Variants in FCHO2 observed in about 807,000 individuals in gnomAD.
The protein encoded by FCHO2 is F-BAR domain only protein 2.
FCHO2 carries 43 observed loss-of-function variants against 114.1 expected under a neutral mutation model. The ratio of observed to expected loss-of-function variants is 0.38; its 90% CI spans 0.30 to 0.49. The LOEUF is 0.49. Among genes scored for constraint, FCHO2 ranks in the 20% least tolerant of loss-of-function variants. The pLI, the probability that FCHO2 is intolerant of heterozygous loss-of-function variation, is 0.97. For missense variants in FCHO2, 807 were observed against 950.4 expected, an observed-to-expected ratio of 0.85 and a Z score of 1.98; for synonymous variants, 293 against 315.2, an observed-to-expected ratio of 0.93 and a Z score of 0.75.
At position 73,087,562 on chromosome 5, in the gene FCHO2, G is replaced by A. The variant is rs1561501420; in HGVS notation, c.2246-27G>A. On this transcript the variant is annotated intron_variant, in intron 24 of 25. Transcript: ENST00000430046. ...TTGTTTGAAATGTATTTTACCCTGT[G>A]TAAGTGCTTTATTCTTTTCTTTGTA... 8 of 1,610,288 alleles carry A rather than the reference G, an allele frequency of 5.0e-6. No homozygotes were observed. The South Asian group carries it at 8.8e-5, about 18-fold the overall frequency.
At chr5:72,963,168 TATATC>T (rs1751969530) in intron 1 of FCHO2, among the ~76,000 whole-genome samples, 1 of 152,160 alleles carries the variant, frequency 6.6e-6, no homozygotes, top group Non-Finnish European at 1.5e-5. Flanking sequence ...TTATGGAAGA[TATATC>T]AAGCACGTTT....
intron 6 of FCHO2, among the ~76,000 whole-genome samples, chr5:73,008,537 A>T (rs1331696351): frequency 6.6e-6 from 1 of 152,174 alleles, no homozygotes; most frequent in East Asian, 1.9e-4. Flanking sequence ...TCAATGTTCA[A>T]TTTTGAACAT....
intron 22 of FCHO2, among the ~76,000 whole-genome samples, chr5:73,081,265 G>A (rs980305718): frequency 3.3e-4 from 50 of 152,196 alleles, no homozygotes; most frequent in Admixed American, 1.3e-4. Context: ...CATTGGACAA[G>A]GAGCTTAAGA....
intron 6 of FCHO2, among the ~76,000 whole-genome samples, chr5:73,011,334 A>G (rs996628961): frequency 6.6e-6 from 1 of 152,218 alleles, no homozygotes; most frequent in African/African-American, 2.4e-5. Flanking sequence ...TTAGAAACTT[A>G]AAAAAATTTT....
rs141433806 is a variant in FCHO2, at chr5:73,028,469, C to T, written c.797-6188C>T. ...TAGTAGCTCCAAACTGTAAACAACC[C>T]AAATGTCCATTAACAGATGAACGGA... is the stretch of plus-strand genomic sequence containing the variant. On this transcript the variant is annotated intron_variant, in intron 8 of 25. Transcript: ENST00000430046. Among the ~76,000 whole-genome samples the T allele has an allele frequency of 2.6e-5, 4 of 152,052 alleles. No homozygotes were observed. The East Asian group carries it at 5.8e-4, about 22-fold the overall frequency.
chr5:73,085,891 G>C (rs1335020732), intron 24 of FCHO2, among the ~76,000 whole-genome samples: 1 of 152,000 alleles, frequency 6.6e-6, no homozygotes, highest in Non-Finnish European at 1.5e-5. Context: ...TTGGGAGGCT[G>C]AGGCGGGTGG....
chr5:73,010,549 A>G (rs957891771), intron 6 of FCHO2, among the ~76,000 whole-genome samples: 8 of 152,134 alleles, frequency 5.3e-5, no homozygotes, highest in Admixed American at 1.3e-4. Context: ...AAATGTCGTT[A>G]GGCAATTTTG....
At chr5:73,005,196 C>T (rs1580086654) in intron 5 of FCHO2, among the ~76,000 whole-genome samples, 1 of 152,254 alleles carries the variant, frequency 6.6e-6, no homozygotes, top group African/African-American at 2.4e-5. Flanking sequence ...GGGAGTAGGA[C>T]TATATGTACC....
intron 3 of FCHO2, among the ~76,000 whole-genome samples, 158 bp downstream of exon 3, chr5:72,989,659 T>C (rs1753720094): frequency 6.6e-6 from 1 of 152,186 alleles, no homozygotes; most frequent in East Asian, 1.9e-4. Context: ...TGATAGAAAA[T>C]ATAATTGAAC....
chr5:73,079,324 T>C (rs1743019197), intron 22 of FCHO2, among the ~76,000 whole-genome samples: 1 of 152,166 alleles, frequency 6.6e-6, no homozygotes, highest in Non-Finnish European at 1.5e-5. Context: ...AAGCTTAGTA[T>C]AGACAGTATT....
chr5:73,027,924 A>G (rs1229794383), intron 8 of FCHO2, among the ~76,000 whole-genome samples: 1 of 152,198 alleles, frequency 6.6e-6, no homozygotes, highest in Non-Finnish European at 1.5e-5. Flanking sequence ...CCAGCCAGGC[A>G]TGCTGGCTCA....
At chr5:73,040,781 A>G (rs1302572169) in intron 10 of FCHO2, among the ~76,000 whole-genome samples, 1 of 152,182 alleles carries the variant, frequency 6.6e-6, no homozygotes, top group African/African-American at 2.4e-5. Context: ...AGTACTTCAG[A>G]TGAAACTGAA....
intron 18 of FCHO2, among the ~76,000 whole-genome samples, chr5:73,067,276 G>C (rs554528857): frequency 2.6e-4 from 40 of 152,146 alleles, no homozygotes; most frequent in Middle Eastern, 6.8e-3. Context: ...GTTGCCATAG[G>C]AGAAATGTCC....
chr5:73,032,118 T>C lies in FCHO2; in HGVS notation c.797-2539T>C, dbSNP rs1027026259. ...GGGGGGGTCAGAATGTGCATTGATA[T>C]CCAGCTGAGTTGTCAACTGGCACTG... is the stretch of plus-strand genomic sequence containing the variant. On this transcript the variant is annotated intron_variant, in intron 8 of 25. Transcript: ENST00000430046. Among the ~76,000 whole-genome samples, 3 of 152,232 alleles carry C rather than the reference T, an allele frequency of 2.0e-5. 1 individual carries two copies. Among genetic ancestry groups the C allele is most frequent in the South Asian group, 4.1e-4 (2 of 4,832 alleles).
intron 2 of FCHO2, among the ~76,000 whole-genome samples, chr5:72,975,566 G>A (rs1241878872): frequency 6.6e-6 from 1 of 152,032 alleles, no homozygotes; most frequent in Non-Finnish European, 1.5e-5. Context: ...GTGCAGAGGT[G>A]CGATCATGGC....
At position 72,998,870 on chromosome 5, in the gene FCHO2, G is replaced by A. The variant is rs565301252; in HGVS notation, c.496-7575G>A. 9.9e-5 allele frequency among the ~76,000 whole-genome samples: 15 copies of A among 151,300 alleles called. No homozygotes were observed. In the South Asian group the frequency reaches 2.7e-3, roughly 28 times the overall value. On this transcript the variant is annotated intron_variant, in intron 5 of 25. Transcript: ENST00000430046. The stretch of plus-strand genomic sequence containing the variant: ...GATGAGGTCTCACTGTGTCACCCAG[G>A]CTGGAGTGCAGTGGTGGTATGATCA...
At chr5:73,047,272 T>G (rs1212349990) in intron 11 of FCHO2, among the ~76,000 whole-genome samples, 2 of 152,174 alleles carry the variant, frequency 1.3e-5, no homozygotes, top group African/African-American at 2.4e-5. Context: ...TCCCAAAATT[T>G]CAAATATTCC....
intron 1 of FCHO2, among the ~76,000 whole-genome samples, chr5:72,958,936 A>G (rs1751705263): frequency 6.6e-6 from 1 of 152,196 alleles, no homozygotes; most frequent in Admixed American, 6.6e-5. Context: ...GCTAATATGA[A>G]TAATACTTCT....
At chr5:72,997,044 A>G (rs535029656) in intron 5 of FCHO2, 4 of 1,352,750 alleles carry the variant, frequency 3.0e-6, no homozygotes, top group African/African-American at 1.4e-5. Flanking sequence ...ACTGTTCGAT[A>G]TGATATCATC....
Sources: gnomAD v4.1 joint callset for allele counts (sites outside exome capture counted in the v4.1 genomes callset) on GRCh38, gnomAD v4.1.1 for gene constraint, MANE v1.5 for transcripts, NCBI Gene and HGNC (gene_info 2026-07-23, HGNC 2026-07-21) for gene names.